Variants in AGMO observed in about 807,000 individuals in gnomAD.
AGMO encodes glyceryl-ether monooxygenase.
A neutral mutation model predicts 60.2 loss-of-function variants in AGMO; 75 were observed. The ratio of observed to expected loss-of-function variants is 1.25; its 90% confidence interval spans 1.03 to 1.51. The LOEUF is 1.51. AGMO is among the 40% of genes most tolerant of loss of function. The pLI is 0.00. For synonymous variants in AGMO, 261 were observed against 177.1 expected (o/e 1.47, Z -3.76); for missense variants, 763 against 525.5 (o/e 1.45, Z -4.42).
At chr7:15,162,453 A>G in the AGMO span, among the ~76,000 whole-genome samples, 1 of 152,200 alleles carries the variant, frequency 6.6e-6, no homozygotes, top group South Asian at 2.1e-4. Context: ...AGCATTTTGG[A>G]AGGCTGGGAC....
intron 3 of AGMO, among the ~76,000 whole-genome samples, chr7:15,432,836 A>C (rs1781292725): frequency 1.3e-5 from 2 of 151,992 alleles, no homozygotes; most frequent in East Asian, 3.9e-4. Flanking sequence ...TATCTGGTTT[A>C]TTGATAAGCC....
intron 12 of AGMO, among the ~76,000 whole-genome samples, chr7:15,247,030 T>A (rs1353361243): frequency 6.6e-6 from 1 of 152,026 alleles, no homozygotes; most frequent in Non-Finnish European, 1.5e-5. Context: ...GGTCTCAAAC[T>A]CCTGGGCTCA....
intron 3 of AGMO, among the ~76,000 whole-genome samples, chr7:15,443,575 T>G (rs1781621755): frequency 6.6e-6 from 1 of 152,164 alleles, no homozygotes; most frequent in Non-Finnish European, 1.5e-5. Context: ...TGATGCCTTA[T>G]TACCTCAACA....
the AGMO span, among the ~76,000 whole-genome samples, chr7:15,150,518 T>C: frequency 3.8e-3 from 575 of 152,222 alleles, 5 homozygotes; most frequent in African/African-American, 0.013. Context: ...CATAAAAGGA[T>C]GTTGAATTTT....
chr7:15,242,431 T>C (rs895160686), intron 12 of AGMO, among the ~76,000 whole-genome samples: 1 of 152,120 alleles, frequency 6.6e-6, no homozygotes, highest in Non-Finnish European at 1.5e-5. Context: ...TTAACCACAG[T>C]GTTTGGAGTA....
intron 12 of AGMO, among the ~76,000 whole-genome samples, chr7:15,352,154 T>G (rs904546367): frequency 3.9e-5 from 6 of 152,224 alleles, no homozygotes; most frequent in African/African-American, 1.4e-4. Flanking sequence ...TTTCACGGAC[T>G]GTTAGGGGAA....
At chr7:15,181,715 T>G in the AGMO span, among the ~76,000 whole-genome samples, 1 of 152,162 alleles carries the variant, frequency 6.6e-6, no homozygotes, top group Admixed American at 6.5e-5. Flanking sequence ...GGAAATATTA[T>G]TTTTGATGGT....
rs1563086440 is a variant in AGMO, at chr7:15,322,591, TAAATATATATAA to T, written c.1263+42911_1263+42922del. Among the ~76,000 whole-genome samples, 23 of 35,054 alleles carry T rather than the reference TAAATATATATAA, an allele frequency of 6.6e-4. 1 individual carries two copies. The highest frequency in any genetic ancestry group is 1.9e-3 in the African/African-American group (13 of 6,950). 23.0% of individuals were successfully genotyped at this position (35,054 alleles called of 152,430 possible). A position where few individuals can be genotyped will look rare whatever the true frequency, so the allele number is the denominator to read the frequency against. On this transcript the variant is annotated intron_variant, in intron 12 of 12. Transcript: ENST00000342526. Reference sequence around the variant, plus strand: ...ATATATATAAATATATATAAATATATAAATATATATAAATATATATAAATATATAAATATATA... The same window carrying T: ...ATATATATAAATATATATAAATATATATATATATAAATATATAAATATATA...
At chr7:15,260,007 A>G (rs572938471) in intron 12 of AGMO, among the ~76,000 whole-genome samples, 2 of 151,268 alleles carry the variant, frequency 1.3e-5, no homozygotes, top group Non-Finnish European at 2.9e-5. Context: ...CAGGACCTAT[A>G]TAACAATAAC....
intron 3 of AGMO, among the ~76,000 whole-genome samples, chr7:15,522,841 C>T (rs574724822): frequency 4.6e-5 from 7 of 152,168 alleles, no homozygotes; most frequent in Non-Finnish European, 1.0e-4. Context: ...CCAAAATTGA[C>T]AAATGGGATC....
In AGMO at chr7:15,247,459, C is replaced by CACAGAGAGAG. The variant is rs139642069; in HGVS notation, c.1264-46101_1264-46100insCTCTCTCTGT. Among the ~76,000 whole-genome samples the CACAGAGAGAG allele has an allele frequency of 1.9e-3, 218 of 115,278 alleles. 1 individual carries two copies. The highest frequency in any genetic ancestry group is 7.2e-3 in the African/African-American group (205 of 28,330). The allele number at this position is 115,278 out of a possible 152,430, so 75.6% of individuals were successfully genotyped here. A position where few individuals can be genotyped will look rare whatever the true frequency, so the allele number is the denominator to read the frequency against. On this transcript the variant is annotated intron_variant, in intron 12 of 12. Transcript: ENST00000342526. The stretch of plus-strand genomic sequence containing the variant: ...ACACACACACACACACACACACACA[C>CACAGAGAGAG]AGAGAGAGAGAGAGAGAGAGGGAGA...
chr7:15,288,617 C>T (rs528019970), intron 12 of AGMO, among the ~76,000 whole-genome samples: 29 of 151,996 alleles, frequency 1.9e-4, no homozygotes, highest in Non-Finnish European at 3.7e-4. Flanking sequence ...ATCCTATATG[C>T]AGTCTTACAA....
At chr7:15,231,603 G>C (rs1173602345) in intron 12 of AGMO, among the ~76,000 whole-genome samples, 1 of 152,200 alleles carries the variant, frequency 6.6e-6, no homozygotes, top group Non-Finnish European at 1.5e-5. Context: ...CATAATGAAT[G>C]ATCATAATCA....
chr7:15,435,998 T>C (rs1781388804), intron 3 of AGMO, among the ~76,000 whole-genome samples: 1 of 152,284 alleles, frequency 6.6e-6, no homozygotes, highest in East Asian at 1.9e-4. Flanking sequence ...TTCCCAATAG[T>C]GGGCAGGCCA....
At chr7:15,161,641 T>C in the AGMO span, among the ~76,000 whole-genome samples, 1 of 151,414 alleles carries the variant, frequency 6.6e-6, no homozygotes, top group Non-Finnish European at 1.5e-5. Context: ...CATACATATA[T>C]ATATATCATA....
chr7:15,348,418 G>A (rs1782111861), intron 12 of AGMO, among the ~76,000 whole-genome samples: 1 of 152,002 alleles, frequency 6.6e-6, no homozygotes, highest in African/African-American at 2.4e-5. Flanking sequence ...CCAGAAAAAT[G>A]CTATTACCAG....
the AGMO span, among the ~76,000 whole-genome samples, chr7:15,176,251 G>A: frequency 9.2e-4 from 140 of 151,878 alleles, 2 homozygotes; most frequent in African/African-American, 3.2e-3. Context: ...GTTTCTTCGG[G>A]CTTTGTTCCT....
intron 10 of AGMO, among the ~76,000 whole-genome samples, chr7:15,384,660 G>A (rs1342978766): frequency 1.3e-5 from 2 of 151,844 alleles, no homozygotes; most frequent in Non-Finnish European, 2.9e-5. Flanking sequence ...TGGTAACAAG[G>A]TATAAAAACA....
At chr7:15,250,699 GGAAGCT>G (rs1254159616) in intron 12 of AGMO, among the ~76,000 whole-genome samples, 1 of 152,102 alleles carries the variant, frequency 6.6e-6, no homozygotes, top group Non-Finnish European at 1.5e-5. Flanking sequence ...CAGCACTTTG[GGAAGCT>G]GAGGCAGGTG....
Sources: gnomAD v4.1 joint callset for allele counts (sites outside exome capture counted in the v4.1 genomes callset) on GRCh38, gnomAD v4.1.1 for gene constraint, MANE v1.5 for transcripts, NCBI Gene and HGNC (gene_info 2026-07-23, HGNC 2026-07-21) for gene names.